Variants in DPP10 observed in about 807,000 individuals in gnomAD.
The protein encoded by DPP10 is inactive dipeptidyl peptidase 10.
Under a neutral mutation model 120.9 loss-of-function variants are expected in DPP10, and 33 were observed. The ratio of observed to expected loss-of-function variants is 0.27; its 90% CI spans 0.21 to 0.37. DPP10 has a LOEUF of 0.37. DPP10 is among the 10% of genes least tolerant of loss of function. The pLI is 1.00. For missense variants in DPP10, 816 were observed against 942.8 expected (o/e 0.87, Z 1.76); for synonymous variants, 337 against 326.1 (o/e 1.03, Z -0.36).
chr2:114,938,442 A>T (rs1379425704), intron 1 of DPP10, among the ~76,000 whole-genome samples: 1 of 152,172 alleles, frequency 6.6e-6, no homozygotes, highest in African/African-American at 2.4e-5. Flanking sequence ...AATAAAACAT[A>T]CAACTCTTTG....
intron 1 of DPP10, among the ~76,000 whole-genome samples, chr2:115,308,282 G>T (rs1044878521): frequency 2.0e-5 from 3 of 152,074 alleles, no homozygotes; most frequent in African/African-American, 7.2e-5. Context: ...CACATGTAGT[G>T]AGCTGGATAT....
chr2:115,663,619 G>C (rs1393776349), intron 5 of DPP10, among the ~76,000 whole-genome samples: 1 of 152,122 alleles, frequency 6.6e-6, no homozygotes, highest in Non-Finnish European at 1.5e-5. Flanking sequence ...TTGACATTCG[G>C]CCACCTCTTA....
chr2:115,732,362 T>C (rs1348674138), intron 8 of DPP10, among the ~76,000 whole-genome samples: 1 of 152,190 alleles, frequency 6.6e-6, no homozygotes, highest in East Asian at 1.9e-4. Context: ...AGTCACTAAA[T>C]AGAGTCCTTA....
At chr2:114,708,299 G>A (rs1293385420) in intron 1 of DPP10, among the ~76,000 whole-genome samples, 1 of 152,104 alleles carries the variant, frequency 6.6e-6, no homozygotes, top group Non-Finnish European at 1.5e-5. Context: ...TTGCCCCTGG[G>A]TTGCTGAGCA....
chr2:114,457,562 AC>A (rs1678649311), intron 1 of DPP10, among the ~76,000 whole-genome samples: 1 of 152,102 alleles, frequency 6.6e-6, no homozygotes, highest in Non-Finnish European at 1.5e-5. Flanking sequence ...TGGTTGAGCC[AC>A]CCAAAGAACA....
chr2:115,216,965 A>G (rs1249705278), intron 1 of DPP10, among the ~76,000 whole-genome samples: 2 of 152,044 alleles, frequency 1.3e-5, no homozygotes, highest in African/African-American at 4.8e-5. Flanking sequence ...AGTATACACT[A>G]CAATTTTAAA....
At chr2:114,761,083 T>C (rs1407328943) in intron 1 of DPP10, among the ~76,000 whole-genome samples, 1 of 152,234 alleles carries the variant, frequency 6.6e-6, no homozygotes, top group African/African-American at 2.4e-5. Flanking sequence ...TGGGGCTCAG[T>C]TGACTTAAGA....
At chr2:115,183,278 T>TG (rs2054205470) in intron 1 of DPP10, among the ~76,000 whole-genome samples, 1 of 151,790 alleles carries the variant, frequency 6.6e-6, no homozygotes, top group Admixed American at 6.6e-5. Context: ...ATAAATTTTG[T>TG]GGAAAAAAAA....
At chr2:114,466,317 A>C (rs1243850289) in intron 1 of DPP10, among the ~76,000 whole-genome samples, 1 of 152,224 alleles carries the variant, frequency 6.6e-6, no homozygotes, top group Non-Finnish European at 1.5e-5. Context: ...TGGTTTGTTC[A>C]TATATATGTA....
chr2:115,098,280 T>A (rs1187261415), intron 1 of DPP10, among the ~76,000 whole-genome samples: 2 of 152,148 alleles, frequency 1.3e-5, no homozygotes, highest in African/African-American at 4.8e-5. Flanking sequence ...AATAGATGGT[T>A]TAAAATGGCA....
intron 1 of DPP10, among the ~76,000 whole-genome samples, chr2:114,719,352 C>T (rs553725051): frequency 6.6e-6 from 1 of 152,286 alleles, no homozygotes; most frequent in Admixed American, 6.5e-5. Context: ...CATTTAGTAG[C>T]ATTGTCACCT....
chr2:115,342,255 G>A, intron 2 of DPP10: 2 of 399,072 alleles, frequency 5.0e-6, no homozygotes, highest in South Asian at 3.6e-5. Flanking sequence ...CTGGAGTATA[G>A]TGGTGCAGTG....
chr2:115,259,757 A>G (rs2059167096), intron 1 of DPP10, among the ~76,000 whole-genome samples: 2 of 152,124 alleles, frequency 1.3e-5, no homozygotes, highest in Non-Finnish European at 1.5e-5. Flanking sequence ...CTCTGTCATG[A>G]CATATTTGTA....
rs1020684546 is a variant in DPP10 at position 115,665,894 on chromosome 2, T to C, written c.442-23793T>C. On this transcript the variant is annotated intron_variant, in intron 5 of 25. Transcript: ENST00000410059. ...GCATTTCTTTTTTTTAATTTCTTTT[T>C]TATAAATTGTTTATTTTAGGTTTGG... 7.2e-5 allele frequency among the ~76,000 whole-genome samples: 11 copies of C among 152,312 alleles called. No homozygotes were observed. In the South Asian group the frequency reaches 2.3e-3, roughly 32 times the overall value.
intron 1 of DPP10, among the ~76,000 whole-genome samples, chr2:114,823,744 G>A (rs1686295964): frequency 6.6e-6 from 1 of 152,186 alleles, no homozygotes; most frequent in African/African-American, 2.4e-5. Flanking sequence ...AACAGTGGAT[G>A]TAGGACTACC....
intron 3 of DPP10, among the ~76,000 whole-genome samples, chr2:115,485,985 A>G (rs912305016): frequency 6.6e-6 from 1 of 152,102 alleles, no homozygotes; most frequent in Admixed American, 6.6e-5. Context: ...AATTTTAAGG[A>G]ATAAAGTCTG....
intron 3 of DPP10, among the ~76,000 whole-genome samples, chr2:115,484,384 T>C (rs1290189384): frequency 1.3e-5 from 2 of 152,098 alleles, no homozygotes; most frequent in African/African-American, 4.8e-5. Flanking sequence ...AGAAAATAAC[T>C]TCTTTCTTAA....
chr2:115,188,703 G>A (rs997536496), intron 1 of DPP10, among the ~76,000 whole-genome samples: 2 of 152,172 alleles, frequency 1.3e-5, no homozygotes, highest in African/African-American at 2.4e-5. Context: ...GGGAATTGCT[G>A]TTGGAAATGC....
intron 1 of DPP10, among the ~76,000 whole-genome samples, chr2:114,995,464 T>A (rs1701020468): frequency 6.6e-6 from 1 of 152,188 alleles, no homozygotes; most frequent in Non-Finnish European, 1.5e-5. Flanking sequence ...TCTAACAGGC[T>A]TCTAAACAGT....
Sources: gnomAD v4.1 joint callset for allele counts (sites outside exome capture counted in the v4.1 genomes callset) on GRCh38, gnomAD v4.1.1 for gene constraint, MANE v1.5 for transcripts, NCBI Gene and HGNC (gene_info 2026-07-23, HGNC 2026-07-21) for gene names.